Variants in ZNF804B observed in about 807,000 individuals in gnomAD.
ZNF804B encodes the protein zinc finger 804B.
A neutral mutation model predicts 101.4 loss-of-function variants in ZNF804B; 80 were observed. The observed-to-expected ratio is 0.79, with a 90% CI of 0.66 to 0.95. ZNF804B has a LOEUF of 0.95. ZNF804B is among the 40% of genes least tolerant of loss of function. The pLI, the probability that ZNF804B is intolerant of heterozygous loss-of-function variation, is 0.00. For missense variants in ZNF804B, 1,673 were observed against 1,561.9 expected, an observed-to-expected ratio of 1.07 and a Z score of -1.20; for synonymous variants, 622 against 558.8, an observed-to-expected ratio of 1.11 and a Z score of -1.59.
intron 1 of ZNF804B, among the ~76,000 whole-genome samples, chr7:89,146,922 G>A (rs1790799023): frequency 1.3e-5 from 2 of 151,706 alleles, no homozygotes; most frequent in South Asian, 4.2e-4. Context: ...CCAACTACTT[G>A]GGAGGTCAAA....
chr7:89,104,400 T>C (rs1374187096), intron 1 of ZNF804B, among the ~76,000 whole-genome samples: 1 of 152,032 alleles, frequency 6.6e-6, no homozygotes, highest in Non-Finnish European at 1.5e-5. Flanking sequence ...CTACTACTGA[T>C]TCAATGTTCT....
chr7:89,284,232 A>C (rs1790144728), intron 2 of ZNF804B, among the ~76,000 whole-genome samples: 1 of 152,214 alleles, frequency 6.6e-6, no homozygotes, highest in Non-Finnish European at 1.5e-5. Flanking sequence ...GTAAGTATCC[A>C]CTTAAAAATG....
intron 1 of ZNF804B, among the ~76,000 whole-genome samples, chr7:89,035,349 T>C (rs538765843): frequency 6.6e-6 from 1 of 152,106 alleles, no homozygotes; most frequent in Non-Finnish European, 1.5e-5. Context: ...CATTTTACTG[T>C]AGTTCAAAAT....
At chr7:89,120,241 T>A (rs1790380037) in intron 1 of ZNF804B, among the ~76,000 whole-genome samples, 1 of 151,906 alleles carries the variant, frequency 6.6e-6, no homozygotes, top group South Asian at 2.1e-4. Context: ...TGAGCGGAGA[T>A]CGCACCACTG....
chr7:88,774,406 G>A (rs1361706920), intron 1 of ZNF804B, among the ~76,000 whole-genome samples: 2 of 152,006 alleles, frequency 1.3e-5, no homozygotes, highest in African/African-American at 4.8e-5. Flanking sequence ...TAGAGCACTA[G>A]ATTGGACCTG....
intron 1 of ZNF804B, chr7:88,794,560 T>C (rs1790443542): frequency 6.2e-7 from 1 of 1,613,540 alleles, no homozygotes; most frequent in African/African-American, 1.3e-5. Context: ...AATTTTCATT[T>C]GTTGAATAAA....
At chr7:88,971,828 T>G (rs1006465223) in intron 1 of ZNF804B, among the ~76,000 whole-genome samples, 5 of 151,680 alleles carry the variant, frequency 3.3e-5, no homozygotes, top group Non-Finnish European at 7.4e-5. Flanking sequence ...GTGCATTCAC[T>G]CTGTGAGGAC....
At chr7:89,123,188 A>G (rs990401979) in intron 1 of ZNF804B, among the ~76,000 whole-genome samples, 1 of 150,400 alleles carries the variant, frequency 6.6e-6, no homozygotes, top group Non-Finnish European at 1.5e-5. Flanking sequence ...GAGATCACTA[A>G]GCAAATATTT....
chr7:89,012,351 C>T (rs1016208722), intron 1 of ZNF804B, among the ~76,000 whole-genome samples: 4 of 152,222 alleles, frequency 2.6e-5, no homozygotes, highest in South Asian at 2.1e-4. Context: ...AACATTTGGC[C>T]TCTCATCACT....
intron 1 of ZNF804B, among the ~76,000 whole-genome samples, chr7:89,120,574 C>T (rs1790388205): frequency 6.8e-6 from 1 of 146,496 alleles, no homozygotes; most frequent in South Asian, 2.1e-4. Context: ...AGGAGAATGG[C>T]GTGAACCCGG....
chr7:88,837,406 G>A (rs1791230030), intron 1 of ZNF804B, among the ~76,000 whole-genome samples: 1 of 151,952 alleles, frequency 6.6e-6, no homozygotes, highest in South Asian at 2.1e-4. Flanking sequence ...TGATAAGGAT[G>A]TGGTGATATT....
At chr7:89,047,361 T>C (rs1029208558) in intron 1 of ZNF804B, among the ~76,000 whole-genome samples, 1 of 152,214 alleles carries the variant, frequency 6.6e-6, no homozygotes, top group African/African-American at 2.4e-5. Context: ...TAGTTGATTT[T>C]CCATATGAAT....
chr7:89,274,694 A>G (rs566708351), intron 2 of ZNF804B, among the ~76,000 whole-genome samples: 15 of 151,814 alleles, frequency 9.9e-5, no homozygotes, highest in Non-Finnish European at 1.6e-4. Flanking sequence ...ACTGCAGTCT[A>G]ATATTATGAA....
At chr7:88,991,987 A>G (rs1793854540) in intron 1 of ZNF804B, among the ~76,000 whole-genome samples, 1 of 151,962 alleles carries the variant, frequency 6.6e-6, no homozygotes, top group Non-Finnish European at 1.5e-5. Context: ...CCTTTGCTGT[A>G]CTCTTCCACA....
At chr7:88,762,380 A>T (rs527266790) in intron 1 of ZNF804B, among the ~76,000 whole-genome samples, 1 of 152,274 alleles carries the variant, frequency 6.6e-6, no homozygotes, top group South Asian at 2.1e-4. Flanking sequence ...CAACAAGTTG[A>T]GGTCCTCTTC....
chr7:89,007,936 A>G (rs1366435512), intron 1 of ZNF804B, among the ~76,000 whole-genome samples: 2 of 152,038 alleles, frequency 1.3e-5, no homozygotes, highest in Non-Finnish European at 2.9e-5. Flanking sequence ...TTTCTAGAAA[A>G]GGAAAACCAA....
intron 1 of ZNF804B, among the ~76,000 whole-genome samples, chr7:88,796,128 G>A (rs75684479): frequency 0.035 from 5,394 of 152,032 alleles, 141 homozygotes; most frequent in Non-Finnish European, 0.057. Context: ...TTTAAGAGAT[G>A]CACCTCTTAA....
chr7:88,931,501 T>A (rs1488830765), intron 1 of ZNF804B, among the ~76,000 whole-genome samples: 1 of 151,958 alleles, frequency 6.6e-6, no homozygotes, highest in Non-Finnish European at 1.5e-5. Context: ...GTTTTATGAA[T>A]CTTTAAATAC....
intron 2 of ZNF804B, among the ~76,000 whole-genome samples, chr7:89,247,149 C>T (rs1789461856): frequency 6.6e-6 from 1 of 152,222 alleles, no homozygotes; most frequent in Non-Finnish European, 1.5e-5. Flanking sequence ...CACACCTAGG[C>T]ACACCTCTGG....
Sources: gnomAD v4.1 joint callset for allele counts (sites outside exome capture counted in the v4.1 genomes callset) on GRCh38, gnomAD v4.1.1 for gene constraint, MANE v1.5 for transcripts, NCBI Gene and HGNC (gene_info 2026-07-23, HGNC 2026-07-21) for gene names.